DCLK3: variants seen among roughly 807,000 people sequenced by gnomAD.
DCLK3 encodes the protein serine/threonine-protein kinase DCLK3.
A neutral mutation model predicts 46.4 loss-of-function variants in DCLK3; 30 were observed. The ratio of observed to expected loss-of-function variants is 0.65; its 90% CI spans 0.48 to 0.88. The LOEUF (loss-of-function observed/expected upper bound fraction) is 0.88, where lower values mean the gene tolerates loss of function less well. Among genes scored for constraint, DCLK3 ranks in the 40% least tolerant of loss-of-function variants. The probability of loss-of-function intolerance (pLI) is 0.00; values close to 1 mark genes in which losing one functional copy is unlikely to be tolerated. For missense variants in DCLK3, 846 were observed against 907.1 expected (o/e 0.93, Z 0.87); for synonymous variants, 401 against 339.2 (o/e 1.18, Z -2.00).
At chr3:36,749,701 T>C (rs1050368690) in intron 1 of DCLK3, among the ~76,000 whole-genome samples, 2 of 152,236 alleles carry the variant, frequency 1.3e-5, no homozygotes, top group Non-Finnish European at 2.9e-5. Context: ...GATCCATTCA[T>C]CTACAGGAAC....
At chr3:36,762,822 A>G (rs1701551350) in intron 1 of DCLK3, among the ~76,000 whole-genome samples, 1 of 152,240 alleles carries the variant, frequency 6.6e-6, no homozygotes, top group Non-Finnish European at 1.5e-5. Context: ...AAGGAGTTAC[A>G]GAACATCTTT....
Position 36,712,919 on chromosome 3 carries a change from A to T in DCLK3, c.*2409T>A, listed in dbSNP as rs535900627. On this transcript the variant is annotated 3_prime_UTR_variant, in exon 5 of 5. Coordinates refer to ENST00000636136, the MANE Select transcript of DCLK3 (RefSeq NM_001394672.2). ...AAATATTGTGAAGTCTTCATAGGAC[A>T]TATGCTTGAATTTCTGCTGGGTAAA... The T allele has an allele frequency of 2.0e-5, 3 of 152,340 alleles. No homozygotes were observed. Among genetic ancestry groups the T allele is most frequent in the African/African-American group, 7.2e-5 (3 of 41,574 alleles). The allele number at this position is 152,340 out of a possible 1,614,324, so 9.4% of individuals were successfully genotyped here. A position where few individuals can be genotyped will look rare whatever the true frequency, so the allele number is the denominator to read the frequency against.
rs770054104 is a variant in DCLK3 at position 36,738,069 on chromosome 3, C to A, written c.1098G>T (p.Gly366=). Residue 366 remains glycine, a synonymous_variant, in exon 2 of 5, where the codon GGG becomes GGT. Coordinates refer to ENST00000636136, the MANE Select transcript of DCLK3 (RefSeq NM_001394672.2). ...PEANPASGEE[G]WKGDSHRSSP... is the part of the protein sequence containing the mutation. ...TGCTCCTGTGGCTGTCACCCTTCCA[C>A]CCTTCCTCCCCACTTGCAGGATTTG... 6.2e-7 allele frequency: 1 copy of A among 1,613,704 alleles called. No individual in the cohort carries two copies.
chr3:36,720,503 T>TC (rs1436291195), intron 3 of DCLK3, among the ~76,000 whole-genome samples: 2 of 85,100 alleles, frequency 2.4e-5, no homozygotes, highest in Non-Finnish European at 4.9e-5. Flanking sequence ...CATCTCCTCA[T>TC]CTTTTTTTTT....
Position 36,737,340 on chromosome 3 carries a change from A to G in DCLK3, c.1827T>C (p.Phe609=). The change falls in exon 2 of 5, where the codon TTT becomes TTC. Residue 609 remains phenylalanine (F), a synonymous_variant. Transcript: ENST00000636136. The surrounding 1 kb of genome is among the most constrained non-coding windows in gnomAD (Gnocchi z 4.4). ...ILEYVQGGDL[F]DAIIESVKFP... ...ACTTCACACTTTCTATGATGGCGTCAAAAAGGTCTCCTCCCTGCACGTACT... is the reference window on the plus strand; with the variant it reads ...ACTTCACACTTTCTATGATGGCGTCGAAAAGGTCTCCTCCCTGCACGTACT... The G allele has an allele frequency of 6.2e-7, 1 of 1,614,176 alleles. No homozygotes were observed. Among genetic ancestry groups the G allele is most frequent in the Non-Finnish European group, 8.5e-7 (1 of 1,180,038 alleles).
At position 36,738,261 on chromosome 3, in the gene DCLK3, C is replaced by T. The variant is rs745932992; in HGVS notation, c.906G>A (p.Ser302=). Reference sequence around the variant, plus strand: ...ACTTCTCGCATCTGATAATTTCACCCGAGGTCTTTTCAATCTCCACCCCAA... The same window carrying T: ...ACTTCTCGCATCTGATAATTTCACCTGAGGTCTTTTCAATCTCCACCCCAA... ...KHLGVEIEKT[S]GEIIRCEKCK... is the part of the protein sequence containing the mutation. The change falls in exon 2 of 5, where the codon TCG becomes TCA. Residue 302 remains serine (S), a synonymous_variant. Transcript: ENST00000636136. 23 of 1,552,728 alleles carry T rather than the reference C, an allele frequency of 1.5e-5. No homozygotes were observed. Among genetic ancestry groups the T allele is most frequent in the African/African-American group, 1.2e-4 (9 of 72,434 alleles).
chr3:36,740,845 T>G (rs993068030), intron 1 of DCLK3, among the ~76,000 whole-genome samples: 5 of 152,186 alleles, frequency 3.3e-5, no homozygotes, highest in Non-Finnish European at 7.3e-5. Flanking sequence ...CATTTATACG[T>G]GTATTTGAAT....
intron 2 of DCLK3, among the ~76,000 whole-genome samples, chr3:36,727,569 T>C (rs765135199): frequency 5.9e-5 from 9 of 152,236 alleles, no homozygotes; most frequent in Non-Finnish European, 1.3e-4. Context: ...AGATATATTA[T>C]GCCTCTTCTA....
At chr3:36,735,310 G>C (rs1016792144) in intron 2 of DCLK3, among the ~76,000 whole-genome samples, 7 of 152,208 alleles carry the variant, frequency 4.6e-5, no homozygotes, top group Non-Finnish European at 1.0e-4. Context: ...AAAGCGAGTA[G>C]AGAAAGGAAA....
At chr3:36,762,596 T>C (rs1197360192) in intron 1 of DCLK3, among the ~76,000 whole-genome samples, 1 of 152,100 alleles carries the variant, frequency 6.6e-6, no homozygotes, top group Admixed American at 6.5e-5. Context: ...CCATCAGTCA[T>C]TGAGGAGGGG....
At position 36,715,395 on chromosome 3, in the gene DCLK3, T is replaced by C. The variant is rs1175069433; in HGVS notation, c.2387A>G (p.Gln796Arg). Residue 796 changes from glutamine to arginine, a missense_variant, in exon 5 of 5, where the codon CAG (glutamine) becomes CGG (arginine). Around this residue, in one of 3 missense-constraint regions of DCLK3, gnomAD observed 46 missense variants for 41.3 expected, o/e 1.11. Coordinates refer to ENST00000636136, the MANE Select transcript of DCLK3 (RefSeq NM_001394672.2). ...GTGACCCTCGCTGCTGGGGGACACC[T>C]GCTTCTGTCGTTTCACTGTATTGGT... ...GKTNTVKRQKQVSPSSEGHFR... is the reference protein window; with the variant it reads ...GKTNTVKRQKRVSPSSEGHFR... The C allele has an allele frequency of 6.2e-7, 1 of 1,614,076 alleles. No homozygotes were observed. The highest frequency in any genetic ancestry group is 1.7e-5 in the Admixed American group (1 of 60,006).
intron 2 of DCLK3, among the ~76,000 whole-genome samples, chr3:36,733,521 A>G (rs1438820886): frequency 6.6e-6 from 1 of 152,072 alleles, no homozygotes; most frequent in Non-Finnish European, 1.5e-5. Context: ...ACCCTCTGTG[A>G]GCTGGTCTAA....
chr3:36,725,447 C>T (rs536714178), intron 2 of DCLK3, among the ~76,000 whole-genome samples: 7 of 152,048 alleles, frequency 4.6e-5, no homozygotes, highest in Non-Finnish European at 4.4e-5. Flanking sequence ...GGAGACCCCA[C>T]CTCTACAAAT....
chr3:36,759,524 C>T (rs1701519796), intron 1 of DCLK3, among the ~76,000 whole-genome samples: 1 of 152,152 alleles, frequency 6.6e-6, no homozygotes, highest in South Asian at 2.1e-4. Context: ...GTTAAACTAC[C>T]AAGATGATGA....
intron 2 of DCLK3, 57 bp from the exon 3 acceptor site, chr3:36,721,716 T>C (rs944322742): frequency 6.2e-7 from 1 of 1,608,926 alleles, no homozygotes; most frequent in African/African-American, 1.3e-5. Context: ...AAAGAAGGGA[T>C]ACTAATGAAA....
chr3:36,717,533 AG>A (rs1700999079), intron 4 of DCLK3, among the ~76,000 whole-genome samples: 1 of 152,258 alleles, frequency 6.6e-6, no homozygotes, highest in Non-Finnish European at 1.5e-5. Flanking sequence ...AATGGAACAG[AG>A]GGCCAAAAGC....
At chr3:36,751,063 T>TGAAAAAAAAAAA (rs1701436459) in intron 1 of DCLK3, among the ~76,000 whole-genome samples, 1 of 76,476 alleles carries the variant, frequency 1.3e-5, no homozygotes, top group Non-Finnish European at 2.3e-5. Context: ...CGGGATGATC[T>TGAAAAAAAAAAA]AAAAAAAAAA....
chr3:36,753,204 T>C (rs1375328403), intron 1 of DCLK3, among the ~76,000 whole-genome samples: 1 of 152,244 alleles, frequency 6.6e-6, no homozygotes, highest in African/African-American at 2.4e-5. Context: ...TGACAGTTAT[T>C]CAAGGCAGCA....
At chr3:36,756,525 G>T (rs186033440) in intron 1 of DCLK3, among the ~76,000 whole-genome samples, 16 of 152,334 alleles carry the variant, frequency 1.1e-4, no homozygotes, top group Admixed American at 1.0e-3. Context: ...AAGAACCACT[G>T]CCTCTGGCAC....
Sources: gnomAD v4.1 joint callset for allele counts (sites outside exome capture counted in the v4.1 genomes callset) on GRCh38, gnomAD v4.1.1 for gene constraint, gnomAD v4.1.1 regional missense constraint, Gnocchi (gnomAD v3.1) non-coding constraint, MANE v1.5 for transcripts, NCBI Gene and HGNC (gene_info 2026-07-23, HGNC 2026-07-21) for gene names.